Variants in VPS13D observed in about 807,000 individuals in gnomAD.
VPS13D encodes vacuolar protein sorting 13 homolog D, also known as intermembrane lipid transfer protein VPS13D.
In VPS13D, 187 loss-of-function variants were observed where a neutral mutation model predicts 461.9. That is an observed-to-expected ratio of 0.40 (90% confidence interval 0.36 to 0.46). The LOEUF is 0.46. VPS13D is among the 20% of genes least tolerant of loss of function. The pLI is 0.60. For synonymous variants in VPS13D, 1,951 were observed against 1,986.3 expected, an observed-to-expected ratio of 0.98 and a Z score of 0.47; for missense variants, 4,711 against 5,364.9, an observed-to-expected ratio of 0.88 and a Z score of 3.81.
intron 66 of VPS13D, among the ~76,000 whole-genome samples, chr1:12,458,196 A>C (rs545702361): frequency 2.6e-4 from 39 of 152,372 alleles, no homozygotes; most frequent in African/African-American, 8.4e-4. Context: ...ATACGAAGGC[A>C]GTATCCTAGA....
chr1:12,355,998 G>A lies in VPS13D; in HGVS notation c.9779G>A (p.Arg3260Gln), dbSNP rs758806944. The change falls in exon 48 of 70, where the codon CGG (arginine) becomes CAG (glutamine). Residue 3260 changes from arginine to glutamine, a missense_variant. This residue lies in a region of VPS13D where 4,411 missense variants were observed against 4,937.8 expected (regional missense o/e 0.89). Transcript: ENST00000620676. ...ATGCGACTCTATGACGTCAACCGTC[G>A]GCAGCTGAACCTCACCATCCGGATT... is the stretch of plus-strand genomic sequence containing the variant. ...VRMRLYDVNR[R>Q]QLNLTIRIVC... 12 of 1,614,012 alleles carry A rather than the reference G, an allele frequency of 7.4e-6. No individual in the cohort carries two copies. The highest frequency in any genetic ancestry group is 4.5e-5 in the East Asian group (2 of 44,872).
At chr1:12,451,684 C>T (rs1352145551) in intron 65 of VPS13D, among the ~76,000 whole-genome samples, 1 of 152,208 alleles carries the variant, frequency 6.6e-6, no homozygotes, top group Non-Finnish European at 1.5e-5. Flanking sequence ...GTTTAGAAGC[C>T]TAGCACACCC....
At chr1:12,385,128 T>G (rs1644333975) in intron 58 of VPS13D, 132 bp from the exon 59 acceptor site, 1 of 715,966 alleles carries the variant, frequency 1.4e-6, no homozygotes, top group Non-Finnish European at 2.3e-6. Context: ...TTACCAGTGC[T>G]TTGGAAACCA....
rs551828898 is a variant in VPS13D, at chr1:12,283,844, G to A, written c.5634+108G>A. On this transcript the variant is annotated intron_variant, in intron 21 of 69. Transcript: ENST00000620676. ...CTTTGGAAAATATCTCTTGTTGGCA[G>A]GGGAGCTATCTAGTCTTCTAGGTGT... is the stretch of plus-strand genomic sequence containing the variant. 42 of 1,194,212 alleles carry A rather than the reference G, an allele frequency of 3.5e-5. No individual in the cohort carries two copies. The African/African-American group carries it at 6.3e-4, about 18-fold the overall frequency. 74.0% of individuals were successfully genotyped at this position (1,194,212 alleles called of 1,614,324 possible). A position where few individuals can be genotyped will look rare whatever the true frequency, so the allele number is the denominator to read the frequency against.
chr1:12,309,539 A>G (rs1642672846), intron 27 of VPS13D, among the ~76,000 whole-genome samples: 1 of 150,390 alleles, frequency 6.6e-6, no homozygotes, highest in Non-Finnish European at 1.5e-5. Flanking sequence ...GCGGCAGATC[A>G]CAAGTTCAGG....
chr1:12,428,525 G>A (rs554543821), intron 65 of VPS13D, among the ~76,000 whole-genome samples: 1 of 152,178 alleles, frequency 6.6e-6, no homozygotes, highest in African/African-American at 2.4e-5. Flanking sequence ...TGGACTGTGC[G>A]CCATTTGTCC....
intron 60 of VPS13D, among the ~76,000 whole-genome samples, chr1:12,399,304 C>A (rs533685858): frequency 6.6e-6 from 1 of 150,496 alleles, no homozygotes; most frequent in African/African-American, 2.4e-5. Context: ...TCAAGTGATT[C>A]TCCTGCCTCA....
rs1646093618 is a variant in VPS13D at position 12,505,518 on chromosome 1, C to A, written c.12795-1335C>A. On this transcript the variant is annotated intron_variant, in intron 68 of 69. Coordinates refer to ENST00000620676, the MANE Select transcript of VPS13D (RefSeq NM_015378.4). The surrounding 1 kb of genome is among the most constrained non-coding windows in gnomAD (Gnocchi z 4.2). Reference sequence around the variant, plus strand: ...TCTGTAATTAAAATGGCAACTGGAACAAGGCAGTCACTTACTGAGCGCTGA... The same window carrying A: ...TCTGTAATTAAAATGGCAACTGGAAAAAGGCAGTCACTTACTGAGCGCTGA... Among the ~76,000 whole-genome samples the A allele has an allele frequency of 6.6e-6, 1 of 152,188 alleles. No individual in the cohort carries two copies.
chr1:12,469,454 G>T (rs1474020492), intron 67 of VPS13D, among the ~76,000 whole-genome samples: 1 of 152,220 alleles, frequency 6.6e-6, no homozygotes, highest in Non-Finnish European at 1.5e-5. Context: ...ACAAAAATGT[G>T]CAGGTGCCAC....
At chr1:12,351,784 G>T (rs1249276384) in intron 46 of VPS13D, among the ~76,000 whole-genome samples, 3 of 148,188 alleles carry the variant, frequency 2.0e-5, no homozygotes, top group African/African-American at 7.5e-5. Flanking sequence ...TAGAGATGGG[G>T]TTTCACCATG....
chr1:12,305,642 A>T (rs1642540639), intron 26 of VPS13D, among the ~76,000 whole-genome samples: 2 of 152,060 alleles, frequency 1.3e-5, no homozygotes. Flanking sequence ...GATAAGTGGG[A>T]GCTGCTCTGA....
intron 67 of VPS13D, among the ~76,000 whole-genome samples, chr1:12,489,180 A>C (rs1645843441): frequency 1.3e-5 from 2 of 152,210 alleles, no homozygotes; most frequent in Admixed American, 6.5e-5. Context: ...TGACTAAGAA[A>C]AAAAATCTGG....
In VPS13D at chr1:12,458,659, C is replaced by G. The variant is rs553299436; in HGVS notation, c.12467-1542C>G. Among the ~76,000 whole-genome samples the G allele has an allele frequency of 3.3e-5, 5 of 152,246 alleles. No homozygotes were observed. In the East Asian group the frequency reaches 9.6e-4, roughly 29 times the overall value. ...AAATGTTGTGAATTGTTAGTACATTCTCACCCAAGGAGTTTCCTTTACCAA... is the reference window on the plus strand; with the variant it reads ...AAATGTTGTGAATTGTTAGTACATTGTCACCCAAGGAGTTTCCTTTACCAA... On this transcript the variant is annotated intron_variant, in intron 66 of 69. Transcript: ENST00000620676.
chr1:12,379,578 A>G lies in VPS13D; in HGVS notation c.11172A>G (p.Leu3724=), dbSNP rs753152749. The change falls in exon 57 of 70, where the codon TTA becomes TTG. Residue 3724 remains leucine (L), a synonymous_variant. Coordinates refer to ENST00000620676, the MANE Select transcript of VPS13D (RefSeq NM_015378.4). ...GAGAAGGAAAACTGACCTGTGGGTTACATGGGTTGGTCGTCCAGGTCAGTC... is the reference window on the plus strand; with the variant it reads ...GAGAAGGAAAACTGACCTGTGGGTTGCATGGGTTGGTCGTCCAGGTCAGTC... ...SFREGKLTCG[L]HGLVVQAKGG... The G allele has an allele frequency of 5.6e-6, 9 of 1,613,378 alleles. No homozygotes were observed. In the South Asian group the frequency reaches 9.9e-5, roughly 18 times the overall value.
In VPS13D at chr1:12,379,596, G is replaced by T; in HGVS notation, c.11190G>T (p.Gln3730His). 1 of 1,611,816 alleles carries T rather than the reference G, an allele frequency of 6.2e-7. No individual in the cohort carries two copies. The highest frequency in any genetic ancestry group is 8.5e-7 in the Non-Finnish European group (1 of 1,178,978). Residue 3730 changes from glutamine (Q) to histidine (H), a missense_variant and splice_region_variant, in exon 57 of 70, where the codon CAG (glutamine) becomes CAT (histidine). Gln to His is a conservative substitution (Grantham distance 24, BLOSUM62 0). Around this residue, in one of 3 missense-constraint regions of VPS13D, gnomAD observed 4,411 missense variants for 4,937.8 expected, o/e 0.89. Transcript: ENST00000620676. ...GTGGGTTACATGGGTTGGTCGTCCA[G>T]GTCAGTCGTTTTTGATCCCCAATTG... is the stretch of plus-strand genomic sequence containing the variant. Reference protein sequence around the residue: ...LTCGLHGLVVQAKGGLSGLFD... With the variant: ...LTCGLHGLVVHAKGGLSGLFD...
At chr1:12,329,710 A>G in intron 36 of VPS13D, 119 bp from the exon 37 acceptor site, 1 of 673,232 alleles carries the variant, frequency 1.5e-6, no homozygotes, top group Non-Finnish European at 2.6e-6. Flanking sequence ...ACAAAGTATC[A>G]GAATGTTGTG....
intron 65 of VPS13D, among the ~76,000 whole-genome samples, chr1:12,422,125 A>G (rs531496669): frequency 2.6e-5 from 4 of 152,276 alleles, no homozygotes; most frequent in African/African-American, 7.2e-5. Flanking sequence ...CACTGCGCCC[A>G]GCCTCATCCC....
chr1:12,343,660 C>T (rs781250158), intron 42 of VPS13D, among the ~76,000 whole-genome samples: 1 of 152,218 alleles, frequency 6.6e-6, no homozygotes, highest in Non-Finnish European at 1.5e-5. Context: ...CAGGCGTGAG[C>T]CACTGCACCC....
At chr1:12,302,186 C>T (rs1053285720) in intron 25 of VPS13D, among the ~76,000 whole-genome samples, 9 of 152,164 alleles carry the variant, frequency 5.9e-5, no homozygotes, top group African/African-American at 1.4e-4. Context: ...TATAATCTTA[C>T]GGGAGCATCA....
Sources: allele counts gnomAD v4.1 joint callset (sites outside exome capture counted in the v4.1 genomes callset), GRCh38; gene constraint gnomAD v4.1.1; regional missense constraint gnomAD v4.1.1; non-coding constraint Gnocchi (gnomAD v3.1); transcripts MANE v1.5; gene names NCBI Gene and HGNC (gene_info 2026-07-23, HGNC 2026-07-21).